ERBIN: variants seen among roughly 807,000 people sequenced by gnomAD.
ERBIN encodes densin-180-like protein.
Under a neutral mutation model 158.4 loss-of-function variants are expected in ERBIN, and 60 were observed. That is an observed-to-expected ratio of 0.38 (90% CI 0.31 to 0.47). The LOEUF (loss-of-function observed/expected upper bound fraction) is 0.47. ERBIN is among the 20% of genes least tolerant of loss of function. The pLI, the probability that ERBIN is intolerant of heterozygous loss-of-function variation, is 0.99. For synonymous variants in ERBIN, 594 were observed against 557.2 expected (o/e 1.07, Z -0.93); for missense variants, 1,610 against 1,648.0 (o/e 0.98, Z 0.40).
At chr5:66,052,716 A>G (rs1257050930) in intron 20 of ERBIN, among the ~76,000 whole-genome samples, 1 of 152,228 alleles carries the variant, frequency 6.6e-6, no homozygotes, top group Non-Finnish European at 1.5e-5. Flanking sequence ...AATACTTAAT[A>G]TCACAGGTAG....
chr5:66,041,477 T>C (rs1757912014), intron 15 of ERBIN, among the ~76,000 whole-genome samples: 2 of 152,002 alleles, frequency 1.3e-5, no homozygotes, highest in Non-Finnish European at 2.9e-5. Context: ...TCAGTAAGTC[T>C]ATACCTGGGT....
chr5:66,033,874 C>T lies in ERBIN; in HGVS notation c.1207-4509C>T, dbSNP rs140266764. 6.4e-3 allele frequency among the ~76,000 whole-genome samples: 976 copies of T among 152,076 alleles called. 9 individuals are homozygous for T. The highest frequency in any genetic ancestry group is 0.023 in the African/African-American group (947 of 41,504). On this transcript the variant is annotated intron_variant, in intron 14 of 25. Transcript: ENST00000284037. ...CTGTAGTCCCAACACTTTGGGAGGC[C>T]GAGGCGGGTGGATCACCTGAGGTCA...
At position 66,081,851 on chromosome 5, in the gene ERBIN, TATG is replaced by T. The variant is rs1762400069; in HGVS notation, c.*3324_*3326del. 6.6e-6 allele frequency: 1 copy of T among 151,890 alleles called. No individual in the cohort carries two copies. The highest frequency in any genetic ancestry group is 6.6e-5 in the Admixed American group (1 of 15,246). The allele number at this position is 151,890 out of a possible 1,614,324, so 9.4% of individuals were successfully genotyped here. A position where few individuals can be genotyped will look rare whatever the true frequency, so the allele number is the denominator to read the frequency against. On this transcript the variant is annotated 3_prime_UTR_variant, in exon 26 of 26. Coordinates refer to ENST00000284037, the MANE Select transcript of ERBIN (RefSeq NM_001253697.2). ...ATGAAATGGACATTGAAATAAAAAT[TATG>T]ATTCAAGAGCATTAATTGATGAACA... is the stretch of plus-strand genomic sequence containing the variant.
chr5:66,066,398 G>T (rs1000826808), intron 21 of ERBIN, among the ~76,000 whole-genome samples: 6 of 151,892 alleles, frequency 4.0e-5, no homozygotes, highest in Non-Finnish European at 8.8e-5. Context: ...ACCTCATGAG[G>T]TCAGTTCCCA....
chr5:66,043,748 C>T (rs1429296990), intron 16 of ERBIN, among the ~76,000 whole-genome samples: 1 of 152,020 alleles, frequency 6.6e-6, no homozygotes, highest in African/African-American at 2.4e-5. Flanking sequence ...ACAGGCTGAC[C>T]TTGGAAAAAT....
At chr5:66,048,559 A>G (rs577690533) in intron 18 of ERBIN, 108 bp from the exon 19 acceptor site, 1 of 673,532 alleles carries the variant, frequency 1.5e-6, no homozygotes, top group African/African-American at 1.9e-5. Flanking sequence ...AAAAGGTTTA[A>G]TATGTGTTTA....
At chr5:66,073,897 G>A (rs1430281009) in intron 22 of ERBIN, among the ~76,000 whole-genome samples, 2 of 151,932 alleles carry the variant, frequency 1.3e-5, no homozygotes, top group Non-Finnish European at 2.9e-5. Flanking sequence ...TTGTTGTTTA[G>A]AGATGGAGTC....
intron 21 of ERBIN, among the ~76,000 whole-genome samples, chr5:66,064,117 G>A (rs576064919): frequency 2.4e-4 from 36 of 152,266 alleles, no homozygotes; most frequent in Middle Eastern, 3.4e-3. Flanking sequence ...AGATAAAATG[G>A]TAATGATAAA....
At chr5:65,946,040 C>T in intron 1 of ERBIN, among the ~76,000 whole-genome samples, 1 of 151,838 alleles carries the variant, frequency 6.6e-6, no homozygotes, top group South Asian at 2.1e-4. Flanking sequence ...TCCCTTTACC[C>T]CCTGCATTTT....
chr5:66,045,483 C>T (rs1335298064), intron 17 of ERBIN, among the ~76,000 whole-genome samples: 1 of 147,862 alleles, frequency 6.8e-6, no homozygotes, highest in African/African-American at 2.6e-5. Context: ...TGTAATATTA[C>T]ATATAGCCTA....
chr5:65,984,148 C>G (rs1750954525), intron 1 of ERBIN, among the ~76,000 whole-genome samples: 1 of 141,490 alleles, frequency 7.1e-6, no homozygotes, highest in Non-Finnish European at 1.5e-5. Flanking sequence ...TAACTGACTC[C>G]TCTGGCCTCA....
chr5:65,937,465 CT>C (rs538472199), intron 1 of ERBIN, among the ~76,000 whole-genome samples: 1 of 151,812 alleles, frequency 6.6e-6, no homozygotes, highest in African/African-American at 2.4e-5. Flanking sequence ...TCAGGATTTT[CT>C]TTTTTTTATT....
intron 4 of ERBIN, among the ~76,000 whole-genome samples, chr5:66,002,822 T>C (rs1753140364): frequency 6.6e-6 from 1 of 152,256 alleles, no homozygotes; most frequent in African/African-American, 2.4e-5. Flanking sequence ...TCTTGTGTTT[T>C]AAATTTCTAA....
At chr5:65,943,558 A>T (rs1478505412) in intron 1 of ERBIN, among the ~76,000 whole-genome samples, 1 of 152,218 alleles carries the variant, frequency 6.6e-6, no homozygotes, top group Non-Finnish European at 1.5e-5. Flanking sequence ...ATTGCTCTAC[A>T]GCTCTTAGTT....
At chr5:65,997,927 TACACAC>T (rs60768327) in intron 4 of ERBIN, among the ~76,000 whole-genome samples, 6,063 of 150,294 alleles carry the variant, frequency 0.04, 402 homozygotes, top group African/African-American at 0.14. Flanking sequence ...GGTGTCTGTC[TACACAC>T]ACACACACAC....
At chr5:65,928,157 T>G (rs1388918601) in intron 1 of ERBIN, among the ~76,000 whole-genome samples, 1 of 152,212 alleles carries the variant, frequency 6.6e-6, no homozygotes, top group Non-Finnish European at 1.5e-5. Flanking sequence ...TACTTCAGCT[T>G]CATTAAGTAC....
At chr5:66,029,309 G>A (rs1756600471) in intron 14 of ERBIN, among the ~76,000 whole-genome samples, 1 of 151,988 alleles carries the variant, frequency 6.6e-6, no homozygotes, top group Non-Finnish European at 1.5e-5. Flanking sequence ...CTGATCTTTT[G>A]AATTAAAAAA....
chr5:65,970,276 G>A (rs1477908433), intron 1 of ERBIN, among the ~76,000 whole-genome samples: 1 of 152,140 alleles, frequency 6.6e-6, no homozygotes, highest in Non-Finnish European at 1.5e-5. Context: ...TGAGTGATCT[G>A]TCTAAAACTT....
chr5:66,014,566 A>G, intron 6 of ERBIN, 103 bp from the exon 7 acceptor site: 1 of 555,948 alleles, frequency 1.8e-6, no homozygotes, highest in Non-Finnish European at 3.1e-6. Flanking sequence ...GCAATTAGTA[A>G]TTACACAATT....
Sources: allele counts gnomAD v4.1 joint callset (sites outside exome capture counted in the v4.1 genomes callset), GRCh38; gene constraint gnomAD v4.1.1; transcripts MANE v1.5; gene names NCBI Gene and HGNC (gene_info 2026-07-23, HGNC 2026-07-21).